The following TTC6 variants were observed in gnomAD, a reference collection of about 807,000 sequenced individuals.
TTC6 encodes tetratricopeptide repeat protein 6.
A neutral mutation model predicts 210.4 loss-of-function variants in TTC6; 172 were observed. The observed-to-expected ratio is 0.82, with a 90% CI of 0.72 to 0.93. The LOEUF is 0.93. Among genes scored for constraint, TTC6 ranks in the 40% least tolerant of loss-of-function variants. TTC6 has a pLI of 0.00. For synonymous variants in TTC6, 804 were observed against 819.6 expected, an observed-to-expected ratio of 0.98 and a Z score of 0.32; for missense variants, 2,414 against 2,318.1, an observed-to-expected ratio of 1.04 and a Z score of -0.85.
intron 1 of TTC6, among the ~76,000 whole-genome samples, chr14:37,662,715 T>G (rs1030060966): frequency 6.6e-6 from 1 of 152,158 alleles, no homozygotes; most frequent in Non-Finnish European, 1.5e-5. Flanking sequence ...ATCAGATGGT[T>G]GTAGGTGTGT....
upstream of TTC6, among the ~76,000 whole-genome samples, chr14:37,621,453 A>G (rs960745690): frequency 9.2e-5 from 14 of 152,144 alleles, 1 homozygote; most frequent in African/African-American, 3.4e-4. Flanking sequence ...TTTACAAAAA[A>G]TTAAAGTATT....
chr14:37,802,444 G>C (rs943242933), intron 20 of TTC6: 2 of 151,988 alleles, frequency 1.3e-5, no homozygotes, highest in Non-Finnish European at 2.9e-5. Context: ...GAGTCTCAAG[G>C]AAATGAAGGC....
chr14:37,665,180 C>A (rs754627138), intron 1 of TTC6, among the ~76,000 whole-genome samples: 1 of 150,290 alleles, frequency 6.7e-6, no homozygotes, highest in Non-Finnish European at 1.5e-5. Flanking sequence ...ATCATTCTAC[C>A]ATAAAGATAC....
intron 1 of TTC6, among the ~76,000 whole-genome samples, chr14:37,662,950 T>C (rs2095740306): frequency 6.6e-6 from 1 of 152,220 alleles, no homozygotes; most frequent in African/African-American, 2.4e-5. Context: ...TTGATAGTCA[T>C]ACCATTGAAT....
At chr14:37,708,827 GATTC>G (rs2095839962) in intron 5 of TTC6, among the ~76,000 whole-genome samples, 1 of 151,984 alleles carries the variant, frequency 6.6e-6, no homozygotes, top group African/African-American at 2.4e-5. Flanking sequence ...ATCCTGTTTT[GATTC>G]TAGGCCAAGG....
exon 23 of TTC6, chr14:37,807,415 C>A: frequency 6.5e-7 from 1 of 1,529,898 alleles, no homozygotes; most frequent in South Asian, 1.2e-5. Flanking sequence ...ACCCTGAAAG[C>A]GTACGTGCCT....
At chr14:37,659,941 A>T (rs2095733707) in intron 1 of TTC6, among the ~76,000 whole-genome samples, 1 of 152,100 alleles carries the variant, frequency 6.6e-6, no homozygotes, top group Admixed American at 6.5e-5. Flanking sequence ...CCACTTTTTA[A>T]TAGAGCCGTT....
intron 2 of TTC6, among the ~76,000 whole-genome samples, chr14:37,615,324 A>G (rs1367745827): frequency 6.6e-6 from 1 of 152,028 alleles, no homozygotes; most frequent in Non-Finnish European, 1.5e-5. Context: ...TCTCAAACAT[A>G]ATTATTTTTT....
intron 1 of TTC6, among the ~76,000 whole-genome samples, chr14:37,650,963 G>T (rs899810766): frequency 6.6e-6 from 1 of 152,140 alleles, no homozygotes; most frequent in Non-Finnish European, 1.5e-5. Flanking sequence ...ACATTTGTTG[G>T]ATGGGATGCT....
At chr14:37,726,494 G>A (rs1421745610) in intron 7 of TTC6, among the ~76,000 whole-genome samples, 2 of 151,964 alleles carry the variant, frequency 1.3e-5, no homozygotes, top group African/African-American at 2.4e-5. Flanking sequence ...TAAATATTAT[G>A]TTGAATTCTG....
At chr14:37,611,009 A>G (rs1340996586) in intron 2 of TTC6, among the ~76,000 whole-genome samples, 1 of 152,236 alleles carries the variant, frequency 6.6e-6, no homozygotes, top group African/African-American at 2.4e-5. Context: ...CTGCCAATCC[A>G]GGCGGCTTCA....
chr14:37,827,424 T>C (rs2139515949), intron 29 of TTC6, 58 bp downstream of exon 31: 2 of 1,517,352 alleles, frequency 1.3e-6, no homozygotes, highest in African/African-American at 1.4e-5. Flanking sequence ...CTTTATTATA[T>C]ATAGCTTCAA....
At chr14:37,651,042 G>A (rs181678108) in intron 1 of TTC6, among the ~76,000 whole-genome samples, 3 of 152,160 alleles carry the variant, frequency 2.0e-5, no homozygotes, top group Admixed American at 2.0e-4. Flanking sequence ...ACATATAGAA[G>A]TATTAATACT....
chr14:37,645,421 T>C (rs2139399774), intron 1 of TTC6, among the ~76,000 whole-genome samples: 1 of 152,230 alleles, frequency 6.6e-6, no homozygotes, highest in South Asian at 2.1e-4. Flanking sequence ...TGTCAGTAAA[T>C]AAATGAAATC....
intron 14 of TTC6, among the ~76,000 whole-genome samples, chr14:37,779,816 A>G (rs1241136737): frequency 1.3e-5 from 2 of 152,202 alleles, no homozygotes; most frequent in East Asian, 3.9e-4. Context: ...TGAAGGTATT[A>G]TTAGGTGGTG....
chr14:37,787,512 A>G, exon 15 of TTC6: 1 of 1,530,174 alleles, frequency 6.5e-7, no homozygotes, highest in Non-Finnish European at 8.7e-7. Flanking sequence ...TTTTATAAAG[A>G]AGCAACTCAA....
chr14:37,625,636 G>A (rs1280332549), intron 1 of TTC6, among the ~76,000 whole-genome samples: 1 of 151,998 alleles, frequency 6.6e-6, no homozygotes, highest in Admixed American at 6.6e-5. Flanking sequence ...ATTCGAATAA[G>A]GACTTTTGTT....
intron 10 of TTC6, among the ~76,000 whole-genome samples, chr14:37,739,898 T>C (rs1295866602): frequency 6.6e-6 from 1 of 152,092 alleles, no homozygotes; most frequent in Non-Finnish European, 1.5e-5. Flanking sequence ...GTGCAGTGAC[T>C]CACCCTTGTA....
intron 14 of TTC6, among the ~76,000 whole-genome samples, chr14:37,767,731 T>C (rs1047142627): frequency 1.7e-4 from 26 of 151,906 alleles, no homozygotes; most frequent in Non-Finnish European, 2.9e-5. Context: ...CTGCGAAAAT[T>C]TTCTCCCATT....
Sources: allele counts gnomAD v4.1 joint callset (sites outside exome capture counted in the v4.1 genomes callset), GRCh38; gene constraint gnomAD v4.1.1; transcripts MANE v1.5; gene names NCBI Gene and HGNC (gene_info 2026-07-23, HGNC 2026-07-21).